The following PHAX variants were observed in gnomAD, a reference collection of about 807,000 sequenced individuals.
PHAX encodes phosphorylated adapter RNA export protein.
Under a neutral mutation model 41.6 loss-of-function variants are expected in PHAX, and 31 were observed. That is an observed-to-expected ratio of 0.75 (90% confidence interval 0.56 to 1.01). The LOEUF is 1.01. Ranked by LOEUF, PHAX falls within the 50% of genes least tolerant of loss-of-function variation. The probability of loss-of-function intolerance (pLI) is 0.00; values close to 1 mark genes in which losing one functional copy is unlikely to be tolerated. For synonymous variants in PHAX, 175 were observed against 164.9 expected (o/e 1.06, Z -0.47); for missense variants, 453 against 472.9 (o/e 0.96, Z 0.39).
rs1751939513 is a variant in PHAX, at chr5:126,603,679, G to A, written c.206G>A (p.Ser69Asn). 2 of 1,614,206 alleles carry A rather than the reference G, an allele frequency of 1.2e-6. No individual in the cohort carries two copies. Among genetic ancestry groups the A allele is most frequent in the Admixed American group, 1.7e-5 (1 of 60,018 alleles). Residue 69 changes from serine to asparagine, a missense_variant, in exon 2 of 5, where the codon AGT (serine) becomes AAT (asparagine). Coordinates refer to ENST00000297540, the MANE Select transcript of PHAX (RefSeq NM_032177.4). ...GAAAGTGTGGATTCAAGTGAAGAAAGTTTTTCTGATTCAGATGATGATAGC... is the reference window on the plus strand; with the variant it reads ...GAAAGTGTGGATTCAAGTGAAGAAAATTTTTCTGATTCAGATGATGATAGC... Reference protein sequence around the residue: ...AVESVDSSEESFSDSDDDSCL... With the variant: ...AVESVDSSEENFSDSDDDSCL...
At position 126,626,861 on chromosome 5, in the gene PHAX, A is replaced by C. The variant is rs1442848422; in HGVS notation, c.*2017A>C. 1 of 152,248 alleles carries C rather than the reference A, an allele frequency of 6.6e-6. No homozygotes were observed. Among genetic ancestry groups the C allele is most frequent in the Non-Finnish European group, 1.5e-5 (1 of 68,082 alleles). The allele number at this position is 152,248 out of a possible 1,614,324, so 9.4% of individuals were successfully genotyped here. A position where few individuals can be genotyped will look rare whatever the true frequency, so the allele number is the denominator to read the frequency against. ...AGGAGGCAGAGGTTGCAGTGAGTCG[A>C]GATCGTGCCACTGCACTCCAGCCTG... On this transcript the variant is annotated 3_prime_UTR_variant, in exon 5 of 5. Transcript: ENST00000297540.
chr5:126,612,718 T>C (rs914889686), intron 3 of PHAX, among the ~76,000 whole-genome samples: 1 of 151,942 alleles, frequency 6.6e-6, no homozygotes, highest in South Asian at 2.1e-4. Context: ...GAAAAAGAAA[T>C]GCATTTCCTT....
rs1345118717 is a variant in PHAX, at chr5:126,603,834, G to A, written c.361G>A (p.Val121Met). ...GAAGATTAACAACATATGGGGTGCT[G>A]TGCTGCAGGAACAGAATCAAGATGC... The part of the protein sequence containing the change: ...GKKINNIWGA[V>M]LQEQNQDAVA... Residue 121 changes from valine (V) to methionine (M), a missense_variant, in exon 2 of 5, where the codon GTG becomes ATG. Coordinates refer to ENST00000297540, the MANE Select transcript of PHAX (RefSeq NM_032177.4). 1 of 1,614,020 alleles carries A rather than the reference G, an allele frequency of 6.2e-7. No homozygotes were observed. The highest frequency in any genetic ancestry group is 8.5e-7 in the Non-Finnish European group (1 of 1,180,044).
chr5:126,604,765 G>GCCAAAAAAATTA (rs770221709), intron 2 of PHAX, among the ~76,000 whole-genome samples: 1 of 152,090 alleles, frequency 6.6e-6, no homozygotes, highest in Non-Finnish European at 1.5e-5. Flanking sequence ...GCCAGACAGA[G>GCCAAAAAAATTA]TGGCTCATGC....
At chr5:126,624,535 G>A (rs1325269436) in intron 4 of PHAX, 40 bp from the exon 5 acceptor site, 26 of 1,457,072 alleles carry the variant, frequency 1.8e-5, no homozygotes, top group Admixed American at 8.6e-5. Context: ...CTTTAATAAC[G>A]TGGTAGTTCT....
chr5:126,613,138 CAG>C (rs1415336033), intron 3 of PHAX, among the ~76,000 whole-genome samples: 5 of 152,172 alleles, frequency 3.3e-5, no homozygotes, highest in African/African-American at 1.2e-4. Context: ...CACCTGAGGT[CAG>C]GCGTTCGAGA....
intron 2 of PHAX, among the ~76,000 whole-genome samples, chr5:126,604,414 A>AC (rs1332747989): frequency 6.7e-6 from 1 of 149,684 alleles, no homozygotes; most frequent in African/African-American, 2.5e-5. Flanking sequence ...ACAGGTATGC[A>AC]CCCCCACGCC....
chr5:126,608,515 A>G lies in PHAX; in HGVS notation c.831+31A>G, dbSNP rs375569657. The G allele has an allele frequency of 4.2e-5, 65 of 1,533,340 alleles. No individual in the cohort carries two copies. The African/African-American group carries it at 9.6e-4, about 23-fold the overall frequency. The allele number at this position is 1,533,340 out of a possible 1,614,324, so 95.0% of individuals were successfully genotyped here. A position where few individuals can be genotyped will look rare whatever the true frequency, so the allele number is the denominator to read the frequency against. On this transcript the variant is annotated intron_variant, in intron 3 of 4. Transcript: ENST00000297540. ...ACTGCTTAACTGTTTTTGTTTTTGT[A>G]TTGTTTATCCTGTGTTTTTGTTTTT...
intron 3 of PHAX, among the ~76,000 whole-genome samples, chr5:126,611,525 C>T (rs1752100779): frequency 1.3e-5 from 2 of 152,142 alleles, no homozygotes; most frequent in Non-Finnish European, 2.9e-5. Flanking sequence ...ACCAGATGCA[C>T]CTGTAATCCC....
In PHAX at chr5:126,604,274, C is replaced by CTTTTTTTTTTTTTTT. The variant is rs57270218; in HGVS notation, c.710+96_710+110dup. ...TGCCAAATACTTTAATGATATGTTC[C>CTTTTTTTTTTTTTTT]TTTTTTTTTTTTTTTTTTTGGAGAC... On this transcript the variant is annotated intron_variant, in intron 2 of 4. Coordinates refer to ENST00000297540, the MANE Select transcript of PHAX (RefSeq NM_032177.4). The CTTTTTTTTTTTTTTT allele has an allele frequency of 1.3e-4, 86 of 645,828 alleles. 5 individuals are homozygous for CTTTTTTTTTTTTTTT. The African/African-American group carries it at 2.1e-3, about 15-fold the overall frequency. 40.0% of individuals were successfully genotyped at this position (645,828 alleles called of 1,614,324 possible). A position where few individuals can be genotyped will look rare whatever the true frequency, so the allele number is the denominator to read the frequency against.
intron 3 of PHAX, among the ~76,000 whole-genome samples, chr5:126,611,840 T>G (rs13159782): frequency 0.063 from 9,352 of 149,558 alleles, 331 homozygotes; most frequent in South Asian, 0.11. Context: ...AGAAATCAGA[T>G]GGAGCTATAG....
intron 3 of PHAX, among the ~76,000 whole-genome samples, chr5:126,610,044 T>C (rs904315577): frequency 6.6e-6 from 1 of 152,214 alleles, no homozygotes; most frequent in African/African-American, 2.4e-5. Context: ...GTCAACACTT[T>C]TGTTATGTAA....
chr5:126,605,632 A>T (rs907021289), intron 2 of PHAX, among the ~76,000 whole-genome samples: 6 of 151,894 alleles, frequency 4.0e-5, no homozygotes, highest in African/African-American at 1.5e-4. Context: ...TCCTGGCCTC[A>T]AGTGATTTGC....
chr5:126,614,851 G>A (rs1156734479), intron 3 of PHAX, among the ~76,000 whole-genome samples: 3 of 151,970 alleles, frequency 2.0e-5, no homozygotes, highest in African/African-American at 7.3e-5. Flanking sequence ...CTGCCTCCCG[G>A]GTTCAAGCGA....
At chr5:126,616,741 G>A (rs1002706073) in intron 3 of PHAX, among the ~76,000 whole-genome samples, 8 of 151,970 alleles carry the variant, frequency 5.3e-5, no homozygotes, top group African/African-American at 1.2e-4. Context: ...TTCGCCAGGC[G>A]TGGTGGGGAG....
chr5:126,608,840 GCAGGAGAAT>G (rs1752031717), intron 3 of PHAX, among the ~76,000 whole-genome samples: 1 of 151,384 alleles, frequency 6.6e-6, no homozygotes, highest in South Asian at 2.1e-4. Context: ...GGAGGCTGAG[GCAGGAGAAT>G]CACTTGAACC....
At position 126,617,296 on chromosome 5, in the gene PHAX, TGAA is replaced by T; in HGVS notation, c.879_881del (p.Lys294del). The stretch of plus-strand genomic sequence containing the variant: ...CCAGGTGGAGTTTTTCTGAATCTCT[TGAA>T]AAACACTCCTAGTATCAGCGAGGAA... On this transcript the variant is annotated inframe_deletion, in exon 4 of 5. Transcript: ENST00000297540. 6.2e-7 allele frequency: 1 copy of T among 1,611,008 alleles called. No homozygotes were observed. The highest frequency in any genetic ancestry group is 8.5e-7 in the Non-Finnish European group (1 of 1,177,648).
chr5:126,618,655 C>A (rs575215327), intron 4 of PHAX, among the ~76,000 whole-genome samples: 4 of 143,502 alleles, frequency 2.8e-5, no homozygotes, highest in South Asian at 4.5e-4. Flanking sequence ...GAAACAAAGT[C>A]TTTTTTTAAA....
At position 126,617,261 on chromosome 5, in the gene PHAX, A is replaced by G; in HGVS notation, c.843A>G (p.Arg281=). ...GTTCCTTTTTGTAGAATGGTAGTCG[A>G]AGAAGAACACCAGGTGGAGTTTTTC... is the stretch of plus-strand genomic sequence containing the variant. The part of the protein sequence containing the change: ...NGGLFIMNGS[R]RRTPGGVFLN... Residue 281 remains arginine, a synonymous_variant, in exon 4 of 5, where the codon CGA becomes CGG. Transcript: ENST00000297540. 3.1e-6 allele frequency: 5 copies of G among 1,609,174 alleles called. No homozygotes were observed. The highest frequency in any genetic ancestry group is 4.3e-6 in the Non-Finnish European group (5 of 1,176,130).
Sources: allele counts gnomAD v4.1 joint callset (sites outside exome capture counted in the v4.1 genomes callset), GRCh38; gene constraint gnomAD v4.1.1; transcripts MANE v1.5; gene names NCBI Gene and HGNC (gene_info 2026-07-23, HGNC 2026-07-21).